Variants in CHD2 observed in about 807,000 individuals in gnomAD.
The protein encoded by CHD2 is ATP-dependent chromatin remodeler CHD2.
CHD2 carries 28 observed loss-of-function variants against 243.9 expected under a neutral mutation model. That is an observed-to-expected ratio of 0.11 (90% CI 0.09 to 0.16). CHD2 has a LOEUF of 0.16. Ranked by LOEUF, CHD2 falls within the 10% of genes least tolerant of loss-of-function variation. CHD2 has a pLI of 1.00. For synonymous variants in CHD2, 775 were observed against 779.0 expected (o/e 0.99, Z 0.09); for missense variants, 1,386 against 2,209.8 (o/e 0.63, Z 7.47).
Position 92,981,406 on chromosome 15 carries a change from A to G in CHD2, c.3015A>G (p.Arg1005=), listed in dbSNP as rs2053978761. 6.2e-7 allele frequency: 1 copy of G among 1,613,820 alleles called. No individual in the cohort carries two copies. Residue 1005 remains arginine (R), a synonymous_variant, in exon 24 of 39, where the codon AGA becomes AGG. Coordinates refer to ENST00000394196, the MANE Select transcript of CHD2 (RefSeq NM_001271.4). The part of the protein sequence containing the change: ...IDEILRLAET[R]ENEVSTSATD... ...AAATTTTGCGGTTGGCTGAAACGAG[A>G]GAGAATGAAGTGTCAACAAGTGCAA...
intron 2 of CHD2, among the ~76,000 whole-genome samples, chr15:92,916,286 CA>C (rs1256302901): frequency 6.6e-6 from 1 of 152,194 alleles, no homozygotes; most frequent in African/African-American, 2.4e-5. Context: ...TTAACCTTGG[CA>C]AAATAAACTT....
At chr15:92,907,837 GTTC>G (rs902804876) in intron 2 of CHD2, among the ~76,000 whole-genome samples, 27 of 152,032 alleles carry the variant, frequency 1.8e-4, no homozygotes, top group Middle Eastern at 6.8e-3. Context: ...CATATCCTAA[GTTC>G]TTCTTCAGGA....
chr15:92,954,964 T>G (rs1346413558), intron 14 of CHD2, among the ~76,000 whole-genome samples: 2 of 152,220 alleles, frequency 1.3e-5, no homozygotes. Context: ...CAAGCCTCCC[T>G]TTTTGTTGGG....
At chr15:92,983,734 G>C in intron 24 of CHD2, among the ~76,000 whole-genome samples, 1 of 152,202 alleles carries the variant, frequency 6.6e-6, no homozygotes, top group South Asian at 2.1e-4. Context: ...AAGAAATGAA[G>C]AGAATATTCT....
rs1239452633 is a variant in CHD2 at position 93,002,232 on chromosome 15, A to G, written c.4193A>G (p.Lys1398Arg). 6.2e-7 allele frequency: 1 copy of G among 1,601,618 alleles called. No homozygotes were observed. The highest frequency in any genetic ancestry group is 8.5e-7 in the Non-Finnish European group (1 of 1,173,638). The stretch of plus-strand genomic sequence containing the variant: ...AAAAAACAGAAGAAGAAAGAGAACA[A>G]GGAGAACAAGGAGAAACAAATGAGT... ...MKKKQKKKENKENKEKQMSSR... is the reference protein window; with the variant it reads ...MKKKQKKKENRENKEKQMSSR... The change falls in exon 33 of 39, where the codon AAG becomes AGG. Residue 1398 changes from lysine (K) to arginine (R), a missense_variant. By Grantham distance (26) the Lys-to-Arg change is conservative (BLOSUM62 2). Coordinates refer to ENST00000394196, the MANE Select transcript of CHD2 (RefSeq NM_001271.4).
At chr15:92,961,333 T>C (rs1053979615) in intron 16 of CHD2, among the ~76,000 whole-genome samples, 7 of 152,240 alleles carry the variant, frequency 4.6e-5, no homozygotes, top group Admixed American at 3.9e-4. Context: ...TTCTAAGAGT[T>C]AGTCTGTTTC....
chr15:93,002,429 A>G, intron 33 of CHD2, 112 bp downstream of exon 33: 2 of 1,479,600 alleles, frequency 1.4e-6, no homozygotes, highest in Non-Finnish European at 8.9e-7. Context: ...TTTTATGGGT[A>G]TGTTCAAGAA....
intron 15 of CHD2, among the ~76,000 whole-genome samples, chr15:92,955,812 T>C (rs1002242988): frequency 4.6e-5 from 7 of 152,196 alleles, no homozygotes; most frequent in South Asian, 2.1e-4. Context: ...TTAAACAGAA[T>C]GAAAGGGTAT....
chr15:92,997,398 G>A lies in CHD2; in HGVS notation c.3880G>A (p.Asp1294Asn). The change falls in exon 30 of 39, where the codon GAC becomes AAC. Residue 1294 changes from aspartate (D) to asparagine (N), a missense_variant. Asp to Asn is a conservative substitution (Grantham distance 23). This residue lies in a region of CHD2 where 99 missense variants were observed against 176.9 expected (regional missense o/e 0.56). Transcript: ENST00000394196. This position sits in a 1 kb window ranked among gnomAD's most constrained non-coding sequence, Gnocchi z 4.1. ...IKTDPELKLT[D>N]KILPVETDKK... ...AACAGACCCAGAGCTTAAATTAACTGACAAAGTAAGTAACCCTACCATGCT... is the reference window on the plus strand; with the variant it reads ...AACAGACCCAGAGCTTAAATTAACTAACAAAGTAAGTAACCCTACCATGCT... 6.3e-7 allele frequency: 1 copy of A among 1,578,048 alleles called. No individual in the cohort carries two copies. The highest frequency in any genetic ancestry group is 8.6e-7 in the Non-Finnish European group (1 of 1,166,004).
intron 13 of CHD2, among the ~76,000 whole-genome samples, chr15:92,950,668 G>A (rs556126229): frequency 3.2e-4 from 49 of 151,766 alleles, no homozygotes; most frequent in South Asian, 2.1e-3. Context: ...TGGGAGGATC[G>A]CTTGAGTCCA....
intron 2 of CHD2, among the ~76,000 whole-genome samples, chr15:92,915,429 C>T (rs891422759): frequency 2.0e-5 from 3 of 152,114 alleles, no homozygotes; most frequent in Non-Finnish European, 2.9e-5. Context: ...CATGTGTCAC[C>T]ATGCCCGGCT....
intron 16 of CHD2, among the ~76,000 whole-genome samples, chr15:92,967,124 T>C (rs2053775519): frequency 6.6e-6 from 1 of 152,218 alleles, no homozygotes; most frequent in Admixed American, 6.5e-5. Flanking sequence ...AGTCTGAGAA[T>C]TGGAAACGTG....
intron 2 of CHD2, among the ~76,000 whole-genome samples, chr15:92,923,929 A>G (rs537814870): frequency 1.3e-5 from 2 of 152,238 alleles, no homozygotes; most frequent in South Asian, 4.1e-4. Flanking sequence ...TACTTAACAG[A>G]TAAGACTTCG....
rs2054148756 is a variant in CHD2, at chr15:92,993,565, TAAA to T, written c.3595+569_3595+571del. ...TTTTGCCTGTCCTGTGTGATATCTTTAAAAGCAAGAGGTATAGGAATGCTTGTG... is the reference window on the plus strand; with the variant it reads ...TTTTGCCTGTCCTGTGTGATATCTTTAGCAAGAGGTATAGGAATGCTTGTG... On this transcript the variant is annotated intron_variant, in intron 28 of 38. Transcript: ENST00000394196. 2.8e-5 allele frequency among the ~76,000 whole-genome samples: 3 copies of T among 109,000 alleles called. No homozygotes were observed. The Admixed American group carries it at 3.1e-4, about 11-fold the overall frequency. 71.5% of individuals were successfully genotyped at this position (109,000 alleles called of 152,430 possible). A position where few individuals can be genotyped will look rare whatever the true frequency, so the allele number is the denominator to read the frequency against.
At chr15:93,022,152 G>A (rs2054541836) in intron 38 of CHD2, 1 of 152,226 alleles carries the variant, frequency 6.6e-6, no homozygotes, top group Non-Finnish European at 1.5e-5. Context: ...AGAGAAAAGA[G>A]TTTTATTTGG....
Position 92,943,080 on chromosome 15 carries a change from A to G in CHD2, c.1052+12A>G, listed in dbSNP as rs1239102841. On this transcript the variant is annotated intron_variant, in intron 9 of 38. Transcript: ENST00000394196. ...GAAATCAAACAATGGTATATTTTCC[A>G]TCATGGATTAAAGAAATGTATTTGC... is the stretch of plus-strand genomic sequence containing the variant. The G allele has an allele frequency of 8.8e-6, 14 of 1,590,854 alleles. No individual in the cohort carries two copies. Among genetic ancestry groups the G allele is most frequent in the Non-Finnish European group, 1.1e-5 (13 of 1,160,092 alleles).
chr15:92,955,550 G>A (rs369474519), intron 15 of CHD2, 38 bp downstream of exon 15: 70 of 1,334,000 alleles, frequency 5.2e-5, no homozygotes, highest in Middle Eastern at 3.6e-4. Context: ...ATCTTTTCCA[G>A]TGCGACTTGT....
At chr15:92,969,816 T>C (rs900093250) in intron 17 of CHD2, among the ~76,000 whole-genome samples, 58 of 150,928 alleles carry the variant, frequency 3.8e-4, no homozygotes, top group East Asian at 2.1e-3. Flanking sequence ...GATTTTCTTT[T>C]TTTTTTTTTT....
chr15:92,996,626 AAGAG>A (rs767330465), intron 28 of CHD2, among the ~76,000 whole-genome samples: 3 of 152,194 alleles, frequency 2.0e-5, no homozygotes, highest in Non-Finnish European at 4.4e-5. Flanking sequence ...GGAAAACAAA[AAGAG>A]AAACCTTCAG....
Sources: allele counts gnomAD v4.1 joint callset (sites outside exome capture counted in the v4.1 genomes callset), GRCh38; gene constraint gnomAD v4.1.1; regional missense constraint gnomAD v4.1.1; non-coding constraint Gnocchi (gnomAD v3.1); transcripts MANE v1.5; gene names NCBI Gene and HGNC (gene_info 2026-07-23, HGNC 2026-07-21).